Variants in UBXN2A observed in about 807,000 individuals in gnomAD.
UBXN2A encodes the protein UBX domain protein 2A.
UBXN2A carries 28 observed loss-of-function variants against 28.4 expected under a neutral mutation model. The ratio of observed to expected loss-of-function variants is 0.99; its 90% CI spans 0.73 to 1.35. The LOEUF is 1.35. UBXN2A is among the 40% of genes most tolerant of loss of function. The probability of loss-of-function intolerance (pLI) is 0.00; values close to 1 mark genes in which losing one functional copy is unlikely to be tolerated. For synonymous variants in UBXN2A, 97 were observed against 103.6 expected (o/e 0.94, Z 0.39); for missense variants, 253 against 297.9 (o/e 0.85, Z 1.11).
At chr2:23,932,104 G>T (rs1337205787) in intron 1 of UBXN2A, among the ~76,000 whole-genome samples, 1 of 152,064 alleles carries the variant, frequency 6.6e-6, no homozygotes, top group Non-Finnish European at 1.5e-5. Context: ...CGGATCATGA[G>T]GTCAGGAGTT....
chr2:23,951,219 A>G (rs1706344207), intron 1 of UBXN2A, among the ~76,000 whole-genome samples: 1 of 151,662 alleles, frequency 6.6e-6, no homozygotes. Flanking sequence ...ATGTTGGAGA[A>G]CTGCCAAGTG....
chr2:23,975,748 C>A (rs1006524437), intron 3 of UBXN2A, among the ~76,000 whole-genome samples: 6 of 152,268 alleles, frequency 3.9e-5, no homozygotes, highest in East Asian at 3.9e-4. Flanking sequence ...AAGCGATTCT[C>A]CTACCTCAGC....
chr2:23,965,053 AT>A (rs1178908023), intron 2 of UBXN2A, among the ~76,000 whole-genome samples: 3 of 151,698 alleles, frequency 2.0e-5, no homozygotes, highest in South Asian at 2.1e-4. Context: ...AATTTTTCGT[AT>A]TTTTTTTATA....
rs866468379 is a variant in UBXN2A, at chr2:23,951,445, T to G, written c.-14-6856T>G. On this transcript the variant is annotated intron_variant, in intron 1 of 6. Coordinates refer to ENST00000309033, the MANE Select transcript of UBXN2A (RefSeq NM_181713.4). ...ATATATATATATATATATATATATATATATATATATATATATATAGTTTTG... is the reference window on the plus strand; with the variant it reads ...ATATATATATATATATATATATATAGATATATATATATATATATAGTTTTG... Among the ~76,000 whole-genome samples the G allele has an allele frequency of 3.5e-4, 47 of 134,122 alleles. 2 individuals are homozygous for G. Among genetic ancestry groups the G allele is most frequent in the African/African-American group, 1.3e-3 (46 of 34,946 alleles). The allele number at this position is 134,122 out of a possible 152,430, so 88.0% of individuals were successfully genotyped here.
intron 1 of UBXN2A, among the ~76,000 whole-genome samples, chr2:23,945,973 A>G (rs1025972655): frequency 6.6e-6 from 1 of 151,594 alleles, no homozygotes; most frequent in African/African-American, 2.4e-5. Flanking sequence ...TGGGGATTAT[A>G]GGTGTGTGTT....
chr2:23,962,655 G>A (rs112145585), intron 2 of UBXN2A, among the ~76,000 whole-genome samples: 1 of 148,794 alleles, frequency 6.7e-6, no homozygotes, highest in Non-Finnish European at 1.5e-5. Context: ...GCCCAGGCTG[G>A]AGTGCAATGA....
intron 1 of UBXN2A, among the ~76,000 whole-genome samples, chr2:23,934,204 C>G (rs1705458589): frequency 6.6e-6 from 1 of 151,212 alleles, no homozygotes; most frequent in Non-Finnish European, 1.5e-5. Flanking sequence ...GAACAAGACT[C>G]TGTGTTAAAA....
intron 6 of UBXN2A, among the ~76,000 whole-genome samples, chr2:23,995,372 T>C (rs1708488844): frequency 6.6e-6 from 1 of 152,132 alleles, no homozygotes; most frequent in Non-Finnish European, 1.5e-5. Context: ...AGCGCTTTTA[T>C]GTTTAGACGC....
chr2:23,982,239 C>T lies in UBXN2A; in HGVS notation c.288-657C>T, dbSNP rs1403389789. ...AAAATTAACTGGGCGTGGTGGCAGG[C>T]GCCTGTAGTCCCAGCTACTTAGGAG... On this transcript the variant is annotated intron_variant, in intron 4 of 6. Transcript: ENST00000309033. Among the ~76,000 whole-genome samples the T allele has an allele frequency of 7.3e-5, 11 of 151,284 alleles. 1 individual carries two copies. In the South Asian group the frequency reaches 2.1e-3, roughly 29 times the overall value.
intron 2 of UBXN2A, among the ~76,000 whole-genome samples, chr2:23,961,349 G>A (rs1193802000): frequency 6.6e-6 from 1 of 151,736 alleles, no homozygotes; most frequent in Non-Finnish European, 1.5e-5. Flanking sequence ...GCCCACCTCG[G>A]CCTCCCAAAG....
chr2:23,945,417 A>C (rs961700804), intron 1 of UBXN2A, among the ~76,000 whole-genome samples: 5 of 152,230 alleles, frequency 3.3e-5, no homozygotes, highest in African/African-American at 1.2e-4. Context: ...AGTAAACCAG[A>C]ATTCACAAAA....
At chr2:23,957,836 AAAAT>A (rs927724676) in intron 1 of UBXN2A, among the ~76,000 whole-genome samples, 6 of 152,078 alleles carry the variant, frequency 3.9e-5, no homozygotes, top group African/African-American at 4.8e-5. Context: ...CTCCATCTCA[AAAAT>A]AAATAAATAA....
chr2:23,942,066 CG>C (rs1705787526), intron 1 of UBXN2A, among the ~76,000 whole-genome samples: 1 of 151,966 alleles, frequency 6.6e-6, no homozygotes, highest in Admixed American at 6.6e-5. Flanking sequence ...GGTGACAGAG[CG>C]GGACTCCATC....
rs1553312193 is a variant in UBXN2A at position 23,999,874 on chromosome 2, A to G, written c.*7A>G. ...AGAACTTTCAGAGCACTGATTTTTGATAGACTAAGTGGAAAATTTGCAGAG... is the reference window on the plus strand; with the variant it reads ...AGAACTTTCAGAGCACTGATTTTTGGTAGACTAAGTGGAAAATTTGCAGAG... On this transcript the variant is annotated 3_prime_UTR_variant, in exon 7 of 7. Transcript: ENST00000309033. The G allele has an allele frequency of 2.5e-6, 4 of 1,606,832 alleles. No homozygotes were observed. In the South Asian group the frequency reaches 4.4e-5, roughly 18 times the overall value.
At chr2:23,989,767 G>T (rs1224150812) in intron 6 of UBXN2A, among the ~76,000 whole-genome samples, 1 of 152,018 alleles carries the variant, frequency 6.6e-6, no homozygotes, top group Admixed American at 6.6e-5. Flanking sequence ...GCCAGACGTG[G>T]TGGCACTCAC....
At chr2:23,957,001 C>T (rs1219897926) in intron 1 of UBXN2A, among the ~76,000 whole-genome samples, 1 of 152,114 alleles carries the variant, frequency 6.6e-6, no homozygotes, top group African/African-American at 2.4e-5. Context: ...TGCACATCCT[C>T]CTGTATACTA....
chr2:23,999,736 C>A lies in UBXN2A; in HGVS notation c.649C>A (p.Leu217Met). 1 of 1,614,116 alleles carries A rather than the reference C, an allele frequency of 6.2e-7. No individual in the cohort carries two copies. Among genetic ancestry groups the A allele is most frequent in the Non-Finnish European group, 8.5e-7 (1 of 1,180,022 alleles). The change falls in exon 7 of 7, where the codon CTG becomes ATG. Residue 217 changes from leucine (L) to methionine (M), a missense_variant. Leu to Met is a conservative substitution (Grantham distance 15, BLOSUM62 2). Coordinates refer to ENST00000309033, the MANE Select transcript of UBXN2A (RefSeq NM_181713.4). ...ATCTCAAAGAAGTCCTCCGTTTTCC[C>A]TGGCAACAGCTCTTCCTGTCCTCAG... ...QGSQRSPPFS[L>M]ATALPVLRLL...
rs535029651 is a variant in UBXN2A, at chr2:24,002,711, A to G, written c.*2844A>G. ...AGGCGTGAGCCACTGTGCCCAGCCA[A>G]TAATAACTTATAAAACATGAAACGA... is the stretch of plus-strand genomic sequence containing the variant. On this transcript the variant is annotated 3_prime_UTR_variant, in exon 7 of 7. Coordinates refer to ENST00000309033, the MANE Select transcript of UBXN2A (RefSeq NM_181713.4). 1.3e-5 allele frequency: 2 copies of G among 152,288 alleles called. No individual in the cohort carries two copies. Among genetic ancestry groups the G allele is most frequent in the East Asian group, 1.9e-4 (1 of 5,154 alleles). The allele number at this position is 152,288 out of a possible 1,614,324, so 9.4% of individuals were successfully genotyped here. A position where few individuals can be genotyped will look rare whatever the true frequency, so the allele number is the denominator to read the frequency against.
intron 1 of UBXN2A, among the ~76,000 whole-genome samples, chr2:23,935,310 T>A (rs1705490116): frequency 6.6e-6 from 1 of 152,142 alleles, no homozygotes; most frequent in South Asian, 2.1e-4. Context: ...AGAGGAAAGA[T>A]TTGCAAATCA....
Sources: allele counts gnomAD v4.1 joint callset (sites outside exome capture counted in the v4.1 genomes callset), GRCh38; gene constraint gnomAD v4.1.1; transcripts MANE v1.5; gene names NCBI Gene and HGNC (gene_info 2026-07-23, HGNC 2026-07-21).